Variants in HBP1 observed in about 807,000 individuals in gnomAD.
HBP1 encodes HMG-box transcription factor 1.
A neutral mutation model predicts 62.6 loss-of-function variants in HBP1; 20 were observed. The ratio of observed to expected loss-of-function variants is 0.32; its 90% confidence interval spans 0.22 to 0.46. HBP1 has a LOEUF of 0.46. Ranked by LOEUF, HBP1 falls within the 20% of genes least tolerant of loss-of-function variation. HBP1 has a pLI of 1.00. For synonymous variants in HBP1, 232 were observed against 206.2 expected (o/e 1.12, Z -1.07); for missense variants, 480 against 611.8 (o/e 0.78, Z 2.27).
At chr7:107,191,685 A>G (rs910402750) in intron 8 of HBP1, among the ~76,000 whole-genome samples, 8 of 152,234 alleles carry the variant, frequency 5.3e-5, no homozygotes, top group Non-Finnish European at 1.2e-4. Context: ...TACAAACTTT[A>G]AAACATGGAT....
chr7:107,192,856 A>G (rs1797719873), intron 8 of HBP1: 1 of 152,194 alleles, frequency 6.6e-6, no homozygotes, highest in African/African-American at 2.4e-5. Context: ...CCAGGAAAAA[A>G]TTGAGAAGCT....
Position 107,190,186 on chromosome 7 carries a change from T to G in HBP1, c.936T>G (p.Phe312Leu). ...FYVKNKGWSS[F>L]YPSLTVVQHG... is the part of the protein sequence containing the mutation. ...GTTTAACTTTAGGTTGGTCATCATT[T>G]TATCCAAGCTTGACTGTGGTACAGC... Residue 312 changes from phenylalanine (F) to leucine (L), a missense_variant, in exon 8 of 11, where the codon TTT (phenylalanine) becomes TTG (leucine). Around this residue, in one of 4 missense-constraint regions of HBP1, gnomAD observed 58 missense variants for 128.5 expected, o/e 0.45. Coordinates refer to ENST00000222574, the MANE Select transcript of HBP1 (RefSeq NM_012257.4). 6 of 1,607,812 alleles carry G rather than the reference T, an allele frequency of 3.7e-6. No individual in the cohort carries two copies. Among genetic ancestry groups the G allele is most frequent in the Non-Finnish European group, 5.1e-6 (6 of 1,177,314 alleles).
In HBP1 at chr7:107,201,394, GTTTAAT is replaced by G. The variant is rs774062919; in HGVS notation, c.1528-15_1528-10del. Reference sequence around the variant, plus strand: ...GTATTGATTTGTAAACATTCACTGAGTTTAATTTTATTTCCACAGGGCTCACAACAA... The same window carrying G: ...GTATTGATTTGTAAACATTCACTGAGTTTATTTCCACAGGGCTCACAACAA... On this transcript the variant is annotated splice_polypyrimidine_tract_variant and intron_variant, in intron 10 of 10. Coordinates refer to ENST00000222574, the MANE Select transcript of HBP1 (RefSeq NM_012257.4). 1.1e-5 allele frequency: 17 copies of G among 1,530,466 alleles called. No homozygotes were observed. The highest frequency in any genetic ancestry group is 1.7e-5 in the Admixed American group (1 of 59,252). The allele number at this position is 1,530,466 out of a possible 1,614,324, so 94.8% of individuals were successfully genotyped here.
At chr7:107,183,236 G>C (rs1450893890) in intron 3 of HBP1, among the ~76,000 whole-genome samples, 1 of 152,168 alleles carries the variant, frequency 6.6e-6, no homozygotes, top group African/African-American at 2.4e-5. Context: ...GGATAAATAT[G>C]ACAGTTTATA....
At chr7:107,177,979 T>C (rs115648995) in intron 1 of HBP1, among the ~76,000 whole-genome samples, 3,025 of 152,306 alleles carry the variant, frequency 0.02, 106 homozygotes, top group African/African-American at 0.067. Context: ...TCGGTGTTTA[T>C]TGGTAATTAA....
intron 1 of HBP1, among the ~76,000 whole-genome samples, chr7:107,172,424 A>G (rs1212559707): frequency 1.3e-5 from 2 of 152,136 alleles, no homozygotes; most frequent in African/African-American, 4.8e-5. Flanking sequence ...TCCATAGAAA[A>G]TGATAATAGA....
chr7:107,201,490 G>A lies in HBP1; in HGVS notation c.*59G>A. ...CATATACATTGACTCTTGATGGAAA[G>A]ACTTAAGAAGATCAAGGTCTCACCA... is the stretch of plus-strand genomic sequence containing the variant. On this transcript the variant is annotated 3_prime_UTR_variant, in exon 11 of 11. Transcript: ENST00000222574. 1.9e-6 allele frequency: 2 copies of A among 1,061,748 alleles called. No individual in the cohort carries two copies. The highest frequency in any genetic ancestry group is 2.9e-6 in the Non-Finnish European group (2 of 687,950). 65.8% of individuals were successfully genotyped at this position (1,061,748 alleles called of 1,614,324 possible).
rs753687785 is a variant in HBP1, at chr7:107,182,446, T to A, written c.243T>A (p.Val81=). The A allele has an allele frequency of 5.3e-5, 85 of 1,613,336 alleles. 1 individual carries two copies. Among genetic ancestry groups the A allele is most frequent in the Non-Finnish European group, 5.2e-5 (61 of 1,179,384 alleles). The part of the protein sequence containing the change: ...QSGMYQLSSD[V]SHQEYPRSSW... Reference sequence around the variant, plus strand: ...GCATGTACCAGCTGAGTTCAGATGTTTCACATCAAGAATACCCAAGATCAT... The same window carrying A: ...GCATGTACCAGCTGAGTTCAGATGTATCACATCAAGAATACCCAAGATCAT... Residue 81 remains valine, a synonymous_variant, in exon 3 of 11, where the codon GTT becomes GTA. Coordinates refer to ENST00000222574, the MANE Select transcript of HBP1 (RefSeq NM_012257.4).
chr7:107,192,021 G>T (rs1797677199), intron 8 of HBP1, among the ~76,000 whole-genome samples: 1 of 152,118 alleles, frequency 6.6e-6, no homozygotes, highest in South Asian at 2.1e-4. Context: ...TCCTCTCCCA[G>T]TGGAATTAAG....
chr7:107,186,242 G>A (rs1797369307), intron 4 of HBP1, 119 bp from the exon 5 acceptor site: 1 of 583,900 alleles, frequency 1.7e-6, no homozygotes, highest in Non-Finnish European at 2.9e-6. Flanking sequence ...TTTTCCCTAA[G>A]GTTAGAATTA....
chr7:107,172,830 G>A (rs188083480), intron 1 of HBP1, among the ~76,000 whole-genome samples: 6 of 152,168 alleles, frequency 3.9e-5, no homozygotes, highest in East Asian at 1.9e-4. Context: ...TGGCTCAAGC[G>A]ATCTTCCTGT....
In HBP1 at chr7:107,184,349, G is replaced by A. The variant is rs185839041; in HGVS notation, c.399-1452G>A. Among the ~76,000 whole-genome samples the A allele has an allele frequency of 8.6e-4, 131 of 152,204 alleles. 1 individual carries two copies. Among genetic ancestry groups the A allele is most frequent in the Admixed American group, 6.2e-3 (95 of 15,290 alleles). On this transcript the variant is annotated intron_variant, in intron 3 of 10. Transcript: ENST00000222574. ...ATGCATGGAAATCTGAGGGCCTTTC[G>A]ATTTAAGGAGTGATGTGAACATGAA...
chr7:107,201,420 C>G lies in HBP1; in HGVS notation c.1534C>G (p.Gln512Glu). 6.3e-7 allele frequency: 1 copy of G among 1,575,082 alleles called. No homozygotes were observed. Among genetic ancestry groups the G allele is most frequent in the Non-Finnish European group, 8.7e-7 (1 of 1,145,690 alleles). Reference sequence around the variant, plus strand: ...TTTAATTTTATTTCCACAGGGCTCACAACAACATTAAACCAGGATGCTTAT... The same window carrying G: ...TTTAATTTTATTTCCACAGGGCTCAGAACAACATTAAACCAGGATGCTTAT... ...WKRKRTNSGS[Q>E]QH The change falls in exon 11 of 11, where the codon CAA becomes GAA. Residue 512 changes from glutamine (Q) to glutamate (E), a missense_variant. By Grantham distance (29) the Gln-to-Glu change is conservative. Around this residue, in one of 4 missense-constraint regions of HBP1, gnomAD observed 52 missense variants for 96.0 expected, o/e 0.54. Coordinates refer to ENST00000222574, the MANE Select transcript of HBP1 (RefSeq NM_012257.4).
At position 107,197,491 on chromosome 7, in the gene HBP1, C is replaced by A. The variant is rs566877137; in HGVS notation, c.1385+1340C>A. Among the ~76,000 whole-genome samples the A allele has an allele frequency of 6.3e-4, 96 of 152,282 alleles. 3 individuals are homozygous for A. In the South Asian group the frequency reaches 0.019, roughly 31 times the overall value. On this transcript the variant is annotated intron_variant, in intron 9 of 10. Transcript: ENST00000222574. The stretch of plus-strand genomic sequence containing the variant: ...TCAAGCGATTCTCCTGCCTCAGCCA[C>A]CCGAGTAGCTGGGATTACGGGCATG...
chr7:107,193,264 T>G (rs1797739245), intron 8 of HBP1: 1 of 152,216 alleles, frequency 6.6e-6, no homozygotes, highest in Non-Finnish European at 1.5e-5. Flanking sequence ...TTATTTAATA[T>G]TAATTACCCT....
At chr7:107,198,426 T>C (rs1584506333) in intron 9 of HBP1, among the ~76,000 whole-genome samples, 1 of 152,134 alleles carries the variant, frequency 6.6e-6, no homozygotes, top group African/African-American at 2.4e-5. Flanking sequence ...GCTAGGCTGG[T>C]CTCGAACTCC....
chr7:107,196,082 A>ATGCC lies in HBP1; in HGVS notation c.1318_1321dup (p.Phe441CysfsTer12). On this transcript the variant is annotated frameshift_variant, in exon 9 of 11. Transcript: ENST00000222574. LOFTEE classifies it high-confidence loss of function. ...CCTAATAAGTGCAAAAGACCAATGA[A>ATGCC]TGCCTTCATGCTTTTTGCCAAAAAA... is the stretch of plus-strand genomic sequence containing the variant. 1 of 1,613,260 alleles carries ATGCC rather than the reference A, an allele frequency of 6.2e-7. No individual in the cohort carries two copies. The highest frequency in any genetic ancestry group is 8.5e-7 in the Non-Finnish European group (1 of 1,179,152).
At chr7:107,169,576 G>A in intron 1 of HBP1, 1 of 198,606 alleles carries the variant, frequency 5.0e-6, no homozygotes, top group Non-Finnish European at 9.1e-6. Flanking sequence ...GTTTGTGGGC[G>A]GAGGGTCGGA....
chr7:107,171,073 A>ATATTTTTTTTTTTTTTTT lies in HBP1; in HGVS notation c.-16+1889_-16+1890insATTTTTTTTTTTTTTTTT. Among the ~76,000 whole-genome samples, 13 of 87,198 alleles carry ATATTTTTTTTTTTTTTTT rather than the reference A, an allele frequency of 1.5e-4. 1 individual carries two copies. Among genetic ancestry groups the ATATTTTTTTTTTTTTTTT allele is most frequent in the African/African-American group, 7.3e-4 (11 of 15,122 alleles). The allele number at this position is 87,198 out of a possible 152,430, so 57.2% of individuals were successfully genotyped here. On this transcript the variant is annotated intron_variant, in intron 1 of 10. Transcript: ENST00000222574. ...TATATATATATATATATATATATAT[A>ATATTTTTTTTTTTTTTTT]TTTTTTTTTTTTTTTGAGAGGGAGT...
Sources: gnomAD v4.1 joint callset for allele counts (sites outside exome capture counted in the v4.1 genomes callset) on GRCh38, gnomAD v4.1.1 for gene constraint, gnomAD v4.1.1 regional missense constraint, MANE v1.5 for transcripts, NCBI Gene and HGNC (gene_info 2026-07-23, HGNC 2026-07-21) for gene names.